The following CCDC169 variants were observed in gnomAD, a reference collection of about 807,000 sequenced individuals.
CCDC169 encodes the protein coiled-coil domain containing 169.
CCDC169 carries 30 observed loss-of-function variants against 36.0 expected under a neutral mutation model. That is an observed-to-expected ratio of 0.83 (90% CI 0.62 to 1.13). The LOEUF (loss-of-function observed/expected upper bound fraction) is 1.13. Among genes scored for constraint, CCDC169 ranks in the 50% most tolerant of loss-of-function variants. The probability of loss-of-function intolerance (pLI) is 0.00; values close to 1 mark genes in which losing one functional copy is unlikely to be tolerated. For missense variants in CCDC169, 245 were observed against 245.9 expected (o/e 1.00, Z 0.03); for synonymous variants, 85 against 81.5 (o/e 1.04, Z -0.23).
intron 7 of CCDC169, among the ~76,000 whole-genome samples, chr13:36,245,359 G>A (rs781169962): frequency 6.6e-6 from 1 of 151,958 alleles, no homozygotes; most frequent in African/African-American, 2.4e-5. Context: ...GATTGCAGTG[G>A]TGCAATCGTG....
chr13:36,257,143 T>C (rs1346395018), intron 4 of CCDC169, among the ~76,000 whole-genome samples: 4 of 152,176 alleles, frequency 2.6e-5, no homozygotes, highest in Non-Finnish European at 5.9e-5. Context: ...TAGAAAACTG[T>C]GTTCTTGATT....
intron 4 of CCDC169, among the ~76,000 whole-genome samples, chr13:36,259,684 G>A (rs1181340832): frequency 6.6e-6 from 1 of 151,786 alleles, no homozygotes; most frequent in Non-Finnish European, 1.5e-5. Context: ...ATAGGCTCAC[G>A]ACCAATCAGA....
chr13:36,297,285 A>C (rs1879630732), intron 1 of CCDC169, among the ~76,000 whole-genome samples: 1 of 152,234 alleles, frequency 6.6e-6, no homozygotes, highest in African/African-American at 2.4e-5. Context: ...ACCCCGTATA[A>C]CTAAATAAAA....
chr13:36,224,481 C>T (rs1869759697), downstream of CCDC169: 1 of 152,060 alleles, frequency 6.6e-6, no homozygotes, highest in African/African-American at 2.4e-5. Context: ...CATTTCTATA[C>T]ACCAACAACA....
At chr13:36,294,631 G>T (rs1361652822) in intron 2 of CCDC169, among the ~76,000 whole-genome samples, 2 of 152,056 alleles carry the variant, frequency 1.3e-5, no homozygotes, top group Admixed American at 1.3e-4. Flanking sequence ...AGAAGGTAAG[G>T]CTTTATTCGG....
downstream of CCDC169, among the ~76,000 whole-genome samples, chr13:36,227,543 A>G (rs9546789): frequency 0.41 from 61,540 of 151,950 alleles, 13,244 homozygotes; most frequent in Non-Finnish European, 0.48. Context: ...TGATAGCACT[A>G]GTGATGATGC....
At chr13:36,226,994 C>T, downstream of CCDC169, 1 of 423,464 alleles carries the variant, frequency 2.4e-6, no homozygotes, top group Non-Finnish European at 4.2e-6. Context: ...CCTTATCTCT[C>T]ACTGTAAAAA....
intron 7 of CCDC169, among the ~76,000 whole-genome samples, chr13:36,233,190 T>C (rs557955945): frequency 6.6e-6 from 1 of 152,028 alleles, no homozygotes; most frequent in African/African-American, 2.4e-5. Context: ...ATAAATCTGT[T>C]CAATCATTAG....
Position 36,245,723 on chromosome 13 carries a change from C to T in CCDC169, c.545+2883G>A, listed in dbSNP as rs556392633. Reference sequence around the variant, plus strand: ...TATTTCCTGACTAAAAAGGGTAGGGCTGATGCTGTAATTATTCAGGCATAC... The same window carrying T: ...TATTTCCTGACTAAAAAGGGTAGGGTTGATGCTGTAATTATTCAGGCATAC... On this transcript the variant is annotated intron_variant, in intron 7 of 7. Transcript: ENST00000239859. Among the ~76,000 whole-genome samples, 14 of 152,322 alleles carry T rather than the reference C, an allele frequency of 9.2e-5. No individual in the cohort carries two copies. The East Asian group carries it at 2.5e-3, about 27-fold the overall frequency.
At chr13:36,280,016 T>C (rs1201237426) in intron 4 of CCDC169, 1 of 152,112 alleles carries the variant, frequency 6.6e-6, no homozygotes, top group Non-Finnish European at 1.5e-5. Flanking sequence ...TACGTAAATA[T>C]ACTAAGGATA....
chr13:36,248,629 C>A lies in CCDC169; in HGVS notation c.522G>T (p.Arg174Ser). Residue 174 changes from arginine (R) to serine (S), a missense_variant, in exon 7 of 8, where the codon AGG (arginine) becomes AGT (serine). By Grantham distance (110) the Arg-to-Ser change is moderately radical. Transcript: ENST00000239859. ...ACGTTTTCACTAGATTCTCTTGCATCCTAGGCAGTTGATCCACCTGTTGCC... is the reference window on the plus strand; with the variant it reads ...ACGTTTTCACTAGATTCTCTTGCATACTAGGCAGTTGATCCACCTGTTGCC... ...SKRQQVDQLPRMQENLVKTGR... is the reference protein window; with the variant it reads ...SKRQQVDQLPSMQENLVKTGR... 6.4e-7 allele frequency: 1 copy of A among 1,550,612 alleles called. No homozygotes were observed. The highest frequency in any genetic ancestry group is 8.7e-7 in the Non-Finnish European group (1 of 1,146,288).
At chr13:36,275,286 G>A (rs1435888518) in intron 4 of CCDC169, among the ~76,000 whole-genome samples, 1 of 152,070 alleles carries the variant, frequency 6.6e-6, no homozygotes, top group Admixed American at 6.5e-5. Context: ...GTTAAGCACA[G>A]CTCCTATATA....
intron 6 of CCDC169, among the ~76,000 whole-genome samples, chr13:36,252,548 C>G (rs975577422): frequency 2.0e-5 from 3 of 152,152 alleles, no homozygotes; most frequent in Admixed American, 6.5e-5. Context: ...CCTTGTCTGA[C>G]CTAGCTATGT....
At chr13:36,242,674 A>C (rs1265325991) in intron 7 of CCDC169, among the ~76,000 whole-genome samples, 2 of 152,096 alleles carry the variant, frequency 1.3e-5, no homozygotes, top group Non-Finnish European at 2.9e-5. Flanking sequence ...AATTTATGCC[A>C]GGCACTCTAT....
At chr13:36,256,295 T>G (rs2138490054) in intron 4 of CCDC169, among the ~76,000 whole-genome samples, 2 of 152,236 alleles carry the variant, frequency 1.3e-5, no homozygotes, top group Middle Eastern at 6.8e-3. Context: ...TACCCGACAC[T>G]AGGTAATTTA....
At chr13:36,247,446 T>A (rs1259706431) in intron 7 of CCDC169, among the ~76,000 whole-genome samples, 1 of 152,196 alleles carries the variant, frequency 6.6e-6, no homozygotes, top group East Asian at 1.9e-4. Context: ...AAAGGATTCA[T>A]CATTCTAGAT....
At position 36,266,386 on chromosome 13, in the gene CCDC169, C is replaced by T. The variant is rs541989751; in HGVS notation, c.316-12243G>A. 9.9e-5 allele frequency among the ~76,000 whole-genome samples: 15 copies of T among 152,204 alleles called. No homozygotes were observed. The South Asian group carries it at 3.1e-3, about 32-fold the overall frequency. On this transcript the variant is annotated intron_variant, in intron 4 of 7. Transcript: ENST00000239859. ...GGGAAGGGTGGGCCACCTCTGCACA[C>T]CCAGAGGGTTCAGGTAGACTTGTAG... is the stretch of plus-strand genomic sequence containing the variant.
At position 36,230,947 on chromosome 13, in the gene CCDC169, C is replaced by A; in HGVS notation, c.*246G>T. The A allele has an allele frequency of 8.3e-7, 1 of 1,203,456 alleles. No individual in the cohort carries two copies. Among genetic ancestry groups the A allele is most frequent in the African/African-American group, 1.6e-5 (1 of 63,476 alleles). The allele number at this position is 1,203,456 out of a possible 1,614,324, so 74.5% of individuals were successfully genotyped here. A position where few individuals can be genotyped will look rare whatever the true frequency, so the allele number is the denominator to read the frequency against. The stretch of plus-strand genomic sequence containing the variant: ...ATTATTGAAAGCAAGTGTAATGATG[C>A]CAGCCTTCAGATTCCCTAGGATATT... On this transcript the variant is annotated 3_prime_UTR_variant, in exon 8 of 8. Coordinates refer to ENST00000239859, the MANE Select transcript of CCDC169 (RefSeq NM_001144981.3).
intron 2 of CCDC169, among the ~76,000 whole-genome samples, chr13:36,294,964 T>G (rs1249864490): frequency 6.6e-6 from 1 of 152,180 alleles, no homozygotes; most frequent in Non-Finnish European, 1.5e-5. Context: ...TTTCTGCCTT[T>G]TAGTTTTTAT....
Sources: allele counts gnomAD v4.1 joint callset (sites outside exome capture counted in the v4.1 genomes callset), GRCh38; gene constraint gnomAD v4.1.1; transcripts MANE v1.5; gene names NCBI Gene and HGNC (gene_info 2026-07-23, HGNC 2026-07-21).